CCZ1: variants seen among roughly 807,000 people sequenced by gnomAD.
CCZ1 encodes the protein vacuolar fusion protein CCZ1 homolog.
In CCZ1, 19 loss-of-function variants were observed where a neutral mutation model predicts 57.8. The ratio of observed to expected loss-of-function variants is 0.33; its 90% CI spans 0.23 to 0.48. The LOEUF (loss-of-function observed/expected upper bound fraction) is 0.48, where lower values mean the gene tolerates loss of function less well. CCZ1 is among the 20% of genes least tolerant of loss of function. The pLI is 0.99. For synonymous variants in CCZ1, 81 were observed against 167.0 expected (o/e 0.49, Z 3.97); for missense variants, 200 against 492.0 (o/e 0.41, Z 5.61).
At chr7:5,905,736 G>A (rs1390216227) in intron 7 of CCZ1, among the ~76,000 whole-genome samples, 2 of 117,100 alleles carry the variant, frequency 1.7e-5, no homozygotes, top group South Asian at 6.8e-4. Context: ...GAGCCGAGAT[G>A]GCACCACTGT....
intron 7 of CCZ1, among the ~76,000 whole-genome samples, chr7:5,907,319 G>A (rs1781854563): frequency 6.7e-6 from 1 of 149,490 alleles, no homozygotes; most frequent in South Asian, 2.2e-4. Context: ...GTAGCATCAG[G>A]TCTGCAGAGG....
intron 7 of CCZ1, among the ~76,000 whole-genome samples, chr7:5,909,097 C>G (rs1305396191): frequency 1.3e-4 from 15 of 118,102 alleles, no homozygotes; most frequent in African/African-American, 4.5e-4. Flanking sequence ...CGAGTCCAAT[C>G]CCTTGTGACT....
Position 5,900,378 on chromosome 7 carries a change from C to G in CCZ1, c.215C>G (p.Thr72Arg). ...TTGTGTGAAGCTATTGTACAGTTTA[C>G]AAGGTAATACCTCTAAGTGTGCTTT... ...VGLCEAIVQF[T>R]RTFSPSKPAK... The change falls in exon 2 of 15, where the codon ACA becomes AGA. Residue 72 changes from threonine to arginine, a missense_variant. By Grantham distance (71) the Thr-to-Arg change is moderately conservative. This residue lies in a region of CCZ1 where 44 missense variants were observed against 122.8 expected (regional missense o/e 0.36). Transcript: ENST00000325974. 1 of 1,560,504 alleles carries G rather than the reference C, an allele frequency of 6.4e-7. No individual in the cohort carries two copies. Among genetic ancestry groups the G allele is most frequent in the Non-Finnish European group, 8.7e-7 (1 of 1,150,784 alleles).
intron 12 of CCZ1, among the ~76,000 whole-genome samples, chr7:5,920,470 C>CTTTTTTTTTTTTTTTTTTTTTTTTTT (rs200899553): frequency 4.6e-4 from 44 of 95,954 alleles, no homozygotes; most frequent in South Asian, 1.1e-3. Context: ...TTCTCCCTGG[C>CTTTTTTTTTTTTTTTTTTTTTTTTTT]TTTTTTTTTT....
At chr7:5,899,963 A>G (rs2528310) in intron 1 of CCZ1, among the ~76,000 whole-genome samples, 15 of 134,312 alleles carry the variant, frequency 1.1e-4, no homozygotes, top group African/African-American at 3.5e-4. Flanking sequence ...GATGTGACTT[A>G]CTGACTATCG....
rs769524748 is a variant in CCZ1, at chr7:5,901,682, G to A, written c.416G>A (p.Arg139Gln). 67 of 1,598,568 alleles carry A rather than the reference G, an allele frequency of 4.2e-5. 6 individuals carry two copies. The East Asian group carries it at 4.9e-4, about 12-fold the overall frequency. Residue 139 changes from arginine (R) to glutamine (Q), a missense_variant, in exon 5 of 15, where the codon CGG (arginine) becomes CAG (glutamine). Arg to Gln is a conservative substitution (Grantham distance 43). Coordinates refer to ENST00000325974, the MANE Select transcript of CCZ1 (RefSeq NM_015622.6). ...GACAAGGTTTATAGCTCGGTGCTGC[G>A]GCAGTGCTACAGCATGTACAAGGTA... ...LLDKVYSSVL[R>Q]QCYSMYKLFN...
rs1781772590 is a variant in CCZ1 at position 5,905,100 on chromosome 7, C to G, written c.529C>G (p.Gln177Glu). The G allele has an allele frequency of 6.3e-7, 1 of 1,599,064 alleles. No homozygotes were observed. The highest frequency in any genetic ancestry group is 1.4e-5 in the African/African-American group (1 of 71,224). ...CTTATTTTTTTTCCCACAGTATTTG[C>G]AAACGCTACATTTGCAGTCATGTGA... is the stretch of plus-strand genomic sequence containing the variant. ...RLEKFFHRYLQTLHLQSCDLL... is the reference protein window; with the variant it reads ...RLEKFFHRYLETLHLQSCDLL... Residue 177 changes from glutamine to glutamate, a missense_variant, in exon 7 of 15, where the codon CAA becomes GAA. This residue lies in a region of CCZ1 where 128 missense variants were observed against 178.4 expected (regional missense o/e 0.72). Transcript: ENST00000325974.
chr7:5,907,980 G>A (rs137882272), intron 7 of CCZ1, among the ~76,000 whole-genome samples: 6,583 of 142,226 alleles, frequency 0.046, 88 homozygotes, highest in African/African-American at 0.09. Context: ...TGTGCACTTA[G>A]AGTCCCAACT....
chr7:5,910,879 G>C (rs1397490039), intron 8 of CCZ1, among the ~76,000 whole-genome samples: 4 of 146,908 alleles, frequency 2.7e-5, no homozygotes, highest in Admixed American at 2.0e-4. Flanking sequence ...GAGATTATAG[G>C]CACCTGCCAC....
At chr7:5,905,384 G>A in intron 7 of CCZ1, 115 bp downstream of exon 7, 2 of 608,668 alleles carry the variant, frequency 3.3e-6, no homozygotes, top group Non-Finnish European at 5.6e-6. Context: ...GGATGGGTAG[G>A]AAGCATCTTC....
chr7:5,900,984 G>A (rs1781674155), intron 4 of CCZ1, 52 bp downstream of exon 4: 2 of 1,077,338 alleles, frequency 1.9e-6, no homozygotes, highest in Non-Finnish European at 2.5e-6. Context: ...GTATTGCTGA[G>A]TATGTTGAAT....
At chr7:5,901,526 C>T (rs539940904) in intron 4 of CCZ1, 131 bp from the exon 5 acceptor site, 55 of 1,348,014 alleles carry the variant, frequency 4.1e-5, no homozygotes, top group Middle Eastern at 2.0e-4. Context: ...TTTTTCAGCA[C>T]GCAACTATTG....
intron 5 of CCZ1, chr7:5,902,456 T>G (rs752171022): frequency 1.3e-5 from 13 of 977,838 alleles, no homozygotes; most frequent in Non-Finnish European, 1.8e-5. Context: ...TTAGGTGGTT[T>G]CATAAATAAG....
Position 5,900,754 on chromosome 7 carries a change from A to G in CCZ1, c.313-101A>G, listed in dbSNP as rs574555358. 5.6e-5 allele frequency: 88 copies of G among 1,577,656 alleles called. 1 individual carries two copies. The Middle Eastern group carries it at 1.2e-3, about 21-fold the overall frequency. ...ATTCTTGGGGCTGTTTTAAGAAGCT[A>G]TGTTTCTGATGCTGTAGCATGTTCA... On this transcript the variant is annotated intron_variant, in intron 3 of 14. Coordinates refer to ENST00000325974, the MANE Select transcript of CCZ1 (RefSeq NM_015622.6).
intron 10 of CCZ1, among the ~76,000 whole-genome samples, chr7:5,914,946 G>GTGTT (rs1779121478): frequency 1.4e-5 from 2 of 144,490 alleles, no homozygotes; most frequent in Non-Finnish European, 3.0e-5. Flanking sequence ...TTTCCTGAGG[G>GTGTT]TGTTACACAG....
intron 10 of CCZ1, chr7:5,918,090 A>ACG (rs1280143598): frequency 9.8e-6 from 1 of 102,148 alleles, no homozygotes; most frequent in Non-Finnish European, 2.0e-5. Flanking sequence ...GGGAAGGCAG[A>ACG]CGAGGGGTCA....
intron 8 of CCZ1, 72 bp from the exon 9 acceptor site, chr7:5,911,789 T>C (rs1779045736): frequency 1.0e-6 from 1 of 984,578 alleles, no homozygotes; most frequent in African/African-American, 1.7e-5. Flanking sequence ...TAGTAGATAA[T>C]GCTGTTTTTC....
At chr7:5,910,795 G>C (rs1184789261) in intron 8 of CCZ1, among the ~76,000 whole-genome samples, 3 of 147,286 alleles carry the variant, frequency 2.0e-5, no homozygotes, top group Non-Finnish European at 4.4e-5. Context: ...GAGTGCAGTA[G>C]TGCAATCTCA....
At chr7:5,903,442 C>G (rs146853927) in intron 6 of CCZ1, among the ~76,000 whole-genome samples, 14,631 of 142,528 alleles carry the variant, frequency 0.1, 1,084 homozygotes, top group South Asian at 0.13. Context: ...AGCAACAATT[C>G]TCAATTTATT....
Sources: gnomAD v4.1 joint callset for allele counts (sites outside exome capture counted in the v4.1 genomes callset) on GRCh38, gnomAD v4.1.1 for gene constraint, gnomAD v4.1.1 regional missense constraint, MANE v1.5 for transcripts, NCBI Gene and HGNC (gene_info 2026-07-23, HGNC 2026-07-21) for gene names.